The following SLC39A14 variants were observed in gnomAD, a reference collection of about 807,000 sequenced individuals.
SLC39A14 encodes the protein metal cation symporter ZIP14.
In SLC39A14, 19 loss-of-function variants were observed where a neutral mutation model predicts 45.5. The observed-to-expected ratio is 0.42, with a 90% CI of 0.29 to 0.61. The LOEUF (loss-of-function observed/expected upper bound fraction) is 0.61. SLC39A14 is among the 20% of genes least tolerant of loss of function. The probability of loss-of-function intolerance (pLI) is 0.22; values close to 1 mark genes in which losing one functional copy is unlikely to be tolerated. For synonymous variants in SLC39A14, 264 were observed against 251.3 expected (o/e 1.05, Z -0.48); for missense variants, 447 against 616.5 (o/e 0.73, Z 2.91).
intron 8 of SLC39A14, among the ~76,000 whole-genome samples, chr8:22,432,037 A>G (rs933571706): frequency 6.6e-6 from 1 of 152,234 alleles, no homozygotes; most frequent in African/African-American, 2.4e-5. Context: ...CTAGGCCACT[A>G]AAAGAAAAGA....
intron 1 of SLC39A14, among the ~76,000 whole-genome samples, chr8:22,394,618 C>T (rs1292591821): frequency 1.3e-5 from 2 of 152,130 alleles, no homozygotes; most frequent in African/African-American, 2.4e-5. Context: ...TGTGCCCGGC[C>T]GATTTTTTAT....
At chr8:22,383,206 A>G (rs777404595) in intron 1 of SLC39A14, among the ~76,000 whole-genome samples, 4 of 152,204 alleles carry the variant, frequency 2.6e-5, no homozygotes, top group Non-Finnish European at 4.4e-5. Flanking sequence ...CCCTGAGGGC[A>G]GGGACTGCCT....
chr8:22,367,819 TC>T lies in SLC39A14; in HGVS notation c.-16+415del, dbSNP rs1327994184. ...TGGACTTTGCTTTTCAGGAGCTGCG[TC>T]CCCGGGCCCCCGCCGGTCCATCTCC... is the stretch of plus-strand genomic sequence containing the variant. On this transcript the variant is annotated intron_variant, in intron 1 of 8. Coordinates refer to ENST00000381237, the MANE Select transcript of SLC39A14 (RefSeq NM_001128431.4). The surrounding 1 kb of genome is among the most constrained non-coding windows in gnomAD (Gnocchi z 4.2). 1 of 153,148 alleles carries T rather than the reference TC, an allele frequency of 6.5e-6. No homozygotes were observed. The highest frequency in any genetic ancestry group is 1.5e-5 in the Non-Finnish European group (1 of 68,818). 9.5% of individuals were successfully genotyped at this position (153,148 alleles called of 1,614,324 possible).
chr8:22,371,477 A>G (rs1243655405), intron 1 of SLC39A14, among the ~76,000 whole-genome samples: 2 of 100,660 alleles, frequency 2.0e-5, no homozygotes, highest in Admixed American at 2.7e-4. Context: ...TCTGTCGCCC[A>G]GGCTGGAGTG....
At chr8:22,430,854 G>A (rs1836455213) in intron 8 of SLC39A14, among the ~76,000 whole-genome samples, 1 of 151,956 alleles carries the variant, frequency 6.6e-6, no homozygotes, top group Non-Finnish European at 1.5e-5. Flanking sequence ...TGTGTTTTTA[G>A]TAGAAACAAG....
intron 1 of SLC39A14, among the ~76,000 whole-genome samples, chr8:22,399,216 G>A (rs1012205588): frequency 2.6e-5 from 4 of 152,200 alleles, no homozygotes; most frequent in Admixed American, 6.5e-5. Context: ...CCTGCAGCTG[G>A]GGCCATGCGC....
At chr8:22,427,934 T>C (rs919892361) in intron 8 of SLC39A14, among the ~76,000 whole-genome samples, 3 of 152,098 alleles carry the variant, frequency 2.0e-5, no homozygotes, top group African/African-American at 2.4e-5. Flanking sequence ...ATTGGGAGAT[T>C]GAGACAGGAG....
rs571782662 is a variant in SLC39A14, at chr8:22,386,803, C to T, written c.-15-17893C>T. 2.6e-5 allele frequency among the ~76,000 whole-genome samples: 4 copies of T among 152,312 alleles called. No individual in the cohort carries two copies. The East Asian group carries it at 7.7e-4, about 29-fold the overall frequency. On this transcript the variant is annotated intron_variant, in intron 1 of 8. Coordinates refer to ENST00000381237, the MANE Select transcript of SLC39A14 (RefSeq NM_001128431.4). ...TGATCTCTTGTCCTCAGGGAGTTTA[C>T]AATGCAGTGTCTTCAGATTCAGAGA...
At chr8:22,396,849 G>A (rs1233106711) in intron 1 of SLC39A14, among the ~76,000 whole-genome samples, 1 of 150,316 alleles carries the variant, frequency 6.7e-6, no homozygotes, top group African/African-American at 2.5e-5. Context: ...GTCAGGGTTG[G>A]GCCAGGAATA....
At chr8:22,380,293 T>A (rs567661477) in intron 1 of SLC39A14, among the ~76,000 whole-genome samples, 2 of 152,246 alleles carry the variant, frequency 1.3e-5, no homozygotes, top group East Asian at 3.9e-4. Context: ...AGGGGACAGA[T>A]TGTGGTACCC....
At chr8:22,409,044 C>T (rs1563578370) in intron 3 of SLC39A14, among the ~76,000 whole-genome samples, 1 of 152,190 alleles carries the variant, frequency 6.6e-6, no homozygotes, top group Non-Finnish European at 1.5e-5. Context: ...TGGTCTCAAA[C>T]TCCTGGGCTC....
chr8:22,372,457 TATC>T (rs1298067924), intron 1 of SLC39A14, among the ~76,000 whole-genome samples: 3 of 152,196 alleles, frequency 2.0e-5, no homozygotes, highest in Non-Finnish European at 4.4e-5. Flanking sequence ...AGTATGGAAG[TATC>T]ATCTTTTTTA....
rs570270221 is a variant in SLC39A14, at chr8:22,429,389, A to G, written c.1333-4502A>G. Among the ~76,000 whole-genome samples the G allele has an allele frequency of 3.9e-5, 6 of 152,354 alleles. No individual in the cohort carries two copies. The South Asian group carries it at 1.0e-3, about 26-fold the overall frequency. On this transcript the variant is annotated intron_variant, in intron 8 of 8. Transcript: ENST00000240095. ...ACATGTTTAACCTCTCTGCACCTCAATATTTTTATGAAGTAGAAATTATAA... is the reference window on the plus strand; with the variant it reads ...ACATGTTTAACCTCTCTGCACCTCAGTATTTTTATGAAGTAGAAATTATAA...
chr8:22,403,078 G>A (rs1834977773), intron 1 of SLC39A14, among the ~76,000 whole-genome samples: 1 of 152,036 alleles, frequency 6.6e-6, no homozygotes, highest in African/African-American at 2.4e-5. Context: ...CAGGGTTCAC[G>A]CCATTCTCCT....
At chr8:22,396,865 T>A (rs1186925409) in intron 1 of SLC39A14, among the ~76,000 whole-genome samples, 4 of 152,166 alleles carry the variant, frequency 2.6e-5, no homozygotes, top group African/African-American at 9.7e-5. Flanking sequence ...GAATAGAACA[T>A]GAGCCATGCG....
chr8:22,416,046 G>A (rs768359263), intron 6 of SLC39A14, 27 bp from the exon 7 acceptor site: 1 of 1,612,198 alleles, frequency 6.2e-7, no homozygotes, highest in Non-Finnish European at 8.5e-7. Context: ...TTGACGCTGT[G>A]GGCCCTGGGG....
At position 22,421,201 on chromosome 8, in the gene SLC39A14, C is replaced by T; in HGVS notation, c.*1503C>T. ...CCATGTTTGCAAACTGATTCATGTGCATGGCTGACAGGAGTACTGGTTCAC... is the reference window on the plus strand; with the variant it reads ...CCATGTTTGCAAACTGATTCATGTGTATGGCTGACAGGAGTACTGGTTCAC... On this transcript the variant is annotated 3_prime_UTR_variant, in exon 9 of 9. Transcript: ENST00000381237. 1.1e-5 allele frequency: 11 copies of T among 985,826 alleles called. No individual in the cohort carries two copies. Among genetic ancestry groups the T allele is most frequent in the Non-Finnish European group, 1.1e-5 (9 of 829,934 alleles). The allele number at this position is 985,826 out of a possible 1,614,324, so 61.1% of individuals were successfully genotyped here. A position where few individuals can be genotyped will look rare whatever the true frequency, so the allele number is the denominator to read the frequency against.
In SLC39A14 at chr8:22,388,160, A is replaced by G. The variant is rs554676977; in HGVS notation, c.-15-16536A>G. The stretch of plus-strand genomic sequence containing the variant: ...CCCTGTCCTTCTAGGACCATATGAC[A>G]CTGAAACTAAGCAGGAGGTGAGAAT... On this transcript the variant is annotated intron_variant, in intron 1 of 8. Transcript: ENST00000381237. Among the ~76,000 whole-genome samples the G allele has an allele frequency of 2.3e-4, 35 of 152,326 alleles. 1 individual carries two copies. Among genetic ancestry groups the G allele is most frequent in the African/African-American group, 7.9e-4 (33 of 41,570 alleles).
At chr8:22,423,997 G>A (rs1393554997), downstream of SLC39A14, among the ~76,000 whole-genome samples, 1 of 149,058 alleles carries the variant, frequency 6.7e-6, no homozygotes, top group Non-Finnish European at 1.5e-5. Flanking sequence ...TTTTTTTATA[G>A]AAACATCTTG....
Sources: allele counts gnomAD v4.1 joint callset (sites outside exome capture counted in the v4.1 genomes callset), GRCh38; gene constraint gnomAD v4.1.1; non-coding constraint Gnocchi (gnomAD v3.1); transcripts MANE v1.5; gene names NCBI Gene and HGNC (gene_info 2026-07-23, HGNC 2026-07-21).